The following GNA14 variants were observed in gnomAD, a reference collection of about 807,000 sequenced individuals.
GNA14 encodes guanine nucleotide-binding protein subunit alpha-14.
In GNA14, 50 loss-of-function variants were observed where a neutral mutation model predicts 42.0. The ratio of observed to expected loss-of-function variants is 1.19; its 90% CI spans 0.95 to 1.51. The LOEUF is 1.51. Among genes scored for constraint, GNA14 ranks in the 40% most tolerant of loss-of-function variants. GNA14 has a pLI of 0.00. For synonymous variants in GNA14, 173 were observed against 163.1 expected, an observed-to-expected ratio of 1.06 and a Z score of -0.46; for missense variants, 473 against 446.2, an observed-to-expected ratio of 1.06 and a Z score of -0.54.
chr9:77,561,089 A>T (rs1822875838), intron 1 of GNA14, among the ~76,000 whole-genome samples: 1 of 152,184 alleles, frequency 6.6e-6, no homozygotes, highest in African/African-American at 2.4e-5. Flanking sequence ...TTAGGTCAGA[A>T]TTTTTTAAAA....
intron 1 of GNA14, among the ~76,000 whole-genome samples, chr9:77,553,000 G>A (rs983295985): frequency 3.9e-5 from 6 of 152,138 alleles, no homozygotes; most frequent in African/African-American, 1.4e-4. Context: ...ATATGAATGA[G>A]GATCACTCCA....
intron 2 of GNA14, among the ~76,000 whole-genome samples, chr9:77,506,986 G>A (rs1453537600): frequency 1.3e-5 from 2 of 152,116 alleles, no homozygotes; most frequent in African/African-American, 4.8e-5. Context: ...ATAAGTCACT[G>A]GAAATCTTAT....
chr9:77,617,029 C>T (rs146211444), intron 1 of GNA14, among the ~76,000 whole-genome samples: 3,090 of 152,028 alleles, frequency 0.02, 61 homozygotes, highest in African/African-American at 0.048. Context: ...ACCACCACGA[C>T]CGGTTAATTT....
intron 2 of GNA14, among the ~76,000 whole-genome samples, chr9:77,503,600 T>A (rs1474407962): frequency 6.6e-6 from 1 of 152,052 alleles, no homozygotes; most frequent in Non-Finnish European, 1.5e-5. Flanking sequence ...AAATGCTCTA[T>A]GGAAATACAA....
chr9:77,561,820 G>A (rs926766827), intron 1 of GNA14, among the ~76,000 whole-genome samples: 8 of 152,226 alleles, frequency 5.3e-5, no homozygotes, highest in African/African-American at 1.9e-4. Flanking sequence ...AGAAATTGAT[G>A]ACATTTTCCT....
intron 1 of GNA14, among the ~76,000 whole-genome samples, chr9:77,640,534 T>C (rs1037607844): frequency 1.3e-5 from 2 of 152,148 alleles, no homozygotes; most frequent in Non-Finnish European, 2.9e-5. Flanking sequence ...ATTAAGACTT[T>C]ATTTGCATTG....
chr9:77,556,016 G>A (rs1398160103), intron 1 of GNA14, among the ~76,000 whole-genome samples: 2 of 152,162 alleles, frequency 1.3e-5, no homozygotes, highest in African/African-American at 4.8e-5. Context: ...AGGCCGAGGT[G>A]GGCAGATCAC....
intron 2 of GNA14, among the ~76,000 whole-genome samples, chr9:77,495,980 G>A (rs1006660066): frequency 6.6e-6 from 1 of 152,144 alleles, no homozygotes; most frequent in African/African-American, 2.4e-5. Flanking sequence ...ATGATCCCAG[G>A]GAGGCCCTAG....
intron 1 of GNA14, among the ~76,000 whole-genome samples, chr9:77,563,932 T>C (rs1822924451): frequency 6.6e-6 from 1 of 152,192 alleles, no homozygotes; most frequent in South Asian, 2.1e-4. Context: ...TTGACTAAAC[T>C]TGTCATAAAG....
rs140336232 is a variant in GNA14 at position 77,561,499 on chromosome 9, C to T, written c.125-32246G>A. ...CTAGATAAGCACAATGTGGTATATA[C>T]ATACAATAGAATTTCATCCAGCCTT... On this transcript the variant is annotated intron_variant, in intron 1 of 6. Coordinates refer to ENST00000341700, the MANE Select transcript of GNA14 (RefSeq NM_004297.4). Among the ~76,000 whole-genome samples the T allele has an allele frequency of 4.6e-3, 693 of 152,272 alleles. 9 individuals are homozygous for T. Among genetic ancestry groups the T allele is most frequent in the African/African-American group, 0.016 (653 of 41,544 alleles).
chr9:77,470,973 C>A (rs1836320152), intron 2 of GNA14, among the ~76,000 whole-genome samples: 1 of 152,132 alleles, frequency 6.6e-6, no homozygotes, highest in Admixed American at 6.5e-5. Context: ...CAGGTCCCTC[C>A]CCAACATTGG....
intron 2 of GNA14, among the ~76,000 whole-genome samples, chr9:77,449,410 T>G (rs1388409891): frequency 1.3e-5 from 2 of 152,338 alleles, no homozygotes; most frequent in South Asian, 2.1e-4. Flanking sequence ...TTAACAGAAT[T>G]TTCCCCATTT....
At chr9:77,517,640 T>C (rs1430480432) in intron 2 of GNA14, 9 of 121,216 alleles carry the variant, frequency 7.4e-5, no homozygotes, top group African/African-American at 2.1e-4. Context: ...AGAGTATCAC[T>C]CTGTCACCCA....
chr9:77,579,607 A>G (rs1180233432), intron 1 of GNA14, among the ~76,000 whole-genome samples: 1 of 152,168 alleles, frequency 6.6e-6, no homozygotes, highest in Non-Finnish European at 1.5e-5. Flanking sequence ...TTCTTCCTTC[A>G]GCCATTTAAG....
intron 1 of GNA14, among the ~76,000 whole-genome samples, chr9:77,547,625 C>A (rs1271382242): frequency 6.6e-6 from 1 of 152,006 alleles, no homozygotes; most frequent in Non-Finnish European, 1.5e-5. Flanking sequence ...CAAGGCAGTC[C>A]CTTTTGGATT....
intron 2 of GNA14, among the ~76,000 whole-genome samples, chr9:77,473,969 A>G (rs540152131): frequency 6.6e-6 from 1 of 152,298 alleles, no homozygotes; most frequent in East Asian, 1.9e-4. Flanking sequence ...AAAGAATGAA[A>G]CTGGATCCCT....
At position 77,572,152 on chromosome 9, in the gene GNA14, T is replaced by G. The variant is rs531176283; in HGVS notation, c.125-42899A>C. 1.7e-3 allele frequency among the ~76,000 whole-genome samples: 258 copies of G among 152,316 alleles called. 2 individuals are homozygous for G. The highest frequency in any genetic ancestry group is 6.0e-3 in the African/African-American group (248 of 41,572). The stretch of plus-strand genomic sequence containing the variant: ...TCAAGTAATCTTGCAAATTACAAGT[T>G]TGTCTTTATTGACAGTGGATGATTT... On this transcript the variant is annotated intron_variant, in intron 1 of 6. Transcript: ENST00000341700.
intron 1 of GNA14, among the ~76,000 whole-genome samples, chr9:77,574,417 G>T (rs1183604418): frequency 2.0e-5 from 3 of 152,226 alleles, no homozygotes; most frequent in Non-Finnish European, 4.4e-5. Flanking sequence ...ACTGCCATGG[G>T]TCTGGAGGGG....
chr9:77,461,473 C>A (rs1027016418), intron 2 of GNA14, among the ~76,000 whole-genome samples: 3 of 152,162 alleles, frequency 2.0e-5, no homozygotes, highest in African/African-American at 7.2e-5. Flanking sequence ...AAAGCTTGGG[C>A]AACTTGCCTG....
Sources: gnomAD v4.1 joint callset for allele counts (sites outside exome capture counted in the v4.1 genomes callset) on GRCh38, gnomAD v4.1.1 for gene constraint, MANE v1.5 for transcripts, NCBI Gene and HGNC (gene_info 2026-07-23, HGNC 2026-07-21) for gene names.